PTPN1: variants seen among roughly 807,000 people sequenced by gnomAD.
PTPN1 encodes the protein tyrosine-protein phosphatase non-receptor type 1.
In PTPN1, 12 loss-of-function variants were observed where a neutral mutation model predicts 59.9. The observed-to-expected ratio is 0.20, with a 90% CI of 0.13 to 0.32. The LOEUF (loss-of-function observed/expected upper bound fraction) is 0.32. PTPN1 is among the 10% of genes least tolerant of loss of function. The pLI is 1.00. For missense variants in PTPN1, 356 were observed against 549.2 expected, an observed-to-expected ratio of 0.65 and a Z score of 3.52; for synonymous variants, 178 against 203.6, an observed-to-expected ratio of 0.87 and a Z score of 1.07.
At chr20:50,534,201 G>T (rs1239165571) in intron 1 of PTPN1, among the ~76,000 whole-genome samples, 1 of 152,174 alleles carries the variant, frequency 6.6e-6, no homozygotes, top group Non-Finnish European at 1.5e-5. Flanking sequence ...TGGGATTACA[G>T]GTGTTAGCCA....
At position 50,579,747 on chromosome 20, in the gene PTPN1, C is replaced by A. The variant is rs2230604; in HGVS notation, c.909C>A (p.Pro303=). The A allele has an allele frequency of 6.2e-7, 1 of 1,613,090 alleles. No individual in the cohort carries two copies. Residue 303 remains proline (P), a synonymous_variant, in exon 8 of 10, where the codon CCC becomes CCA. Coordinates refer to ENST00000371621, the MANE Select transcript of PTPN1 (RefSeq NM_002827.4). Reference sequence around the variant, plus strand: ...CCCACGAGGACCTGGAGCCCCCACCCGAGCATATCCCCCCACCTCCCCGGC... The same window carrying A: ...CCCACGAGGACCTGGAGCCCCCACCAGAGCATATCCCCCCACCTCCCCGGC... ...ELSHEDLEPP[P]EHIPPPPRPP... is the part of the protein sequence containing the mutation.
chr20:50,558,769 C>T (rs1212935032), intron 1 of PTPN1, among the ~76,000 whole-genome samples: 1 of 152,126 alleles, frequency 6.6e-6, no homozygotes, highest in Non-Finnish European at 1.5e-5. Context: ...ACACAGCTAT[C>T]TCGTGAGTCA....
At chr20:50,556,071 A>G (rs1019544011) in intron 1 of PTPN1, among the ~76,000 whole-genome samples, 1 of 151,768 alleles carries the variant, frequency 6.6e-6, no homozygotes, top group Non-Finnish European at 1.5e-5. Flanking sequence ...CATTTCCCTG[A>G]AAGCTTAATC....
intron 2 of PTPN1, 46 bp downstream of exon 2, chr20:50,561,499 C>T: frequency 7.5e-7 from 1 of 1,330,432 alleles, no homozygotes; most frequent in Non-Finnish European, 1.1e-6. Context: ...TCCTTTGCTG[C>T]AGGCCTTTTT....
chr20:50,524,061 C>A (rs1437767507), intron 1 of PTPN1, among the ~76,000 whole-genome samples: 1 of 152,154 alleles, frequency 6.6e-6, no homozygotes, highest in African/African-American at 2.4e-5. Context: ...ATATATTTTT[C>A]CTCTCTTCCT....
At chr20:50,576,827 A>G (rs1433552051) in intron 5 of PTPN1, among the ~76,000 whole-genome samples, 2 of 152,180 alleles carry the variant, frequency 1.3e-5, no homozygotes, top group Non-Finnish European at 2.9e-5. Flanking sequence ...TTGAGCCGAG[A>G]TCATGCCACT....
chr20:50,567,387 C>T (rs3787342), intron 3 of PTPN1, among the ~76,000 whole-genome samples: 1 of 151,716 alleles, frequency 6.6e-6, no homozygotes, highest in Non-Finnish European at 1.5e-5. Flanking sequence ...GGATTGCGCC[C>T]CTGTACTCCA....
At position 50,513,461 on chromosome 20, in the gene PTPN1, G is replaced by T. The variant is rs1016348349; in HGVS notation, c.63+2871G>T. On this transcript the variant is annotated intron_variant, in intron 1 of 9. Transcript: ENST00000371621. ...GCTCCCCTCCATCTGTAGTTTAAGA[G>T]GGGTTGGGTCCGGTGTTTTGCTTGT... Among the ~76,000 whole-genome samples, 93 of 152,298 alleles carry T rather than the reference G, an allele frequency of 6.1e-4. 1 individual carries two copies. Among genetic ancestry groups the T allele is most frequent in the South Asian group, 2.1e-4 (1 of 4,824 alleles).
intron 5 of PTPN1, 152 bp downstream of exon 5, chr20:50,574,806 A>T: frequency 1.0e-6 from 1 of 961,224 alleles, no homozygotes; most frequent in Non-Finnish European, 1.5e-6. Flanking sequence ...AGCGGAGCTT[A>T]CTTGTGTACC....
rs1021957519 is a variant in PTPN1 at position 50,582,275 on chromosome 20, T to C, written c.1285-417T>C. ...GTCAGAGGTCACCACAGGGTGGCCA[T>C]TGGCATGTCAACCCGCTGTTAATTC... is the stretch of plus-strand genomic sequence containing the variant. On this transcript the variant is annotated intron_variant, in intron 9 of 9. Transcript: ENST00000371621. The surrounding 1 kb of genome is among the most constrained non-coding windows in gnomAD (Gnocchi z 4.2). Among the ~76,000 whole-genome samples the C allele has an allele frequency of 2.6e-5, 4 of 152,222 alleles. No homozygotes were observed. Among genetic ancestry groups the C allele is most frequent in the African/African-American group, 9.6e-5 (4 of 41,470 alleles).
intron 1 of PTPN1, among the ~76,000 whole-genome samples, chr20:50,511,352 G>T (rs1326231075): frequency 2.0e-5 from 3 of 152,284 alleles, no homozygotes; most frequent in East Asian, 1.9e-4. Flanking sequence ...ATCAGGGAAG[G>T]CCTGTCAAAG....
At chr20:50,572,447 A>G (rs1309008504) in intron 4 of PTPN1, 1 of 152,258 alleles carries the variant, frequency 6.6e-6, no homozygotes, top group Non-Finnish European at 1.5e-5. Context: ...ACTTAGTTGC[A>G]TGACAGAATT....
At chr20:50,578,313 T>G in intron 5 of PTPN1, 107 bp from the exon 6 acceptor site, 1 of 934,314 alleles carries the variant, frequency 1.1e-6, no homozygotes, top group Admixed American at 2.1e-5. Context: ...AGAATGAATG[T>G]TCCTCTTAGA....
chr20:50,581,799 CATT>C (rs917255647), intron 9 of PTPN1, among the ~76,000 whole-genome samples: 55 of 151,318 alleles, frequency 3.6e-4, no homozygotes, highest in Admixed American at 2.8e-3. Context: ...AGTTACAACA[CATT>C]GTTGTTTTTA....
At chr20:50,527,793 A>G (rs775179872) in intron 1 of PTPN1, among the ~76,000 whole-genome samples, 3 of 151,910 alleles carry the variant, frequency 2.0e-5, no homozygotes, top group Non-Finnish European at 2.9e-5. Flanking sequence ...TAATAACTCT[A>G]TTTTTTCCTT....
chr20:50,578,127 G>A (rs1303706200), intron 5 of PTPN1: 1 of 297,864 alleles, frequency 3.4e-6, no homozygotes, highest in African/African-American at 2.2e-5. Flanking sequence ...AGAGAAACCA[G>A]TTGTAACCAT....
chr20:50,564,856 T>C (rs2082771708), intron 2 of PTPN1, 113 bp from the exon 3 acceptor site: 1 of 1,501,780 alleles, frequency 6.7e-7, no homozygotes, highest in Non-Finnish European at 8.9e-7. Flanking sequence ...CTTCAGCCAG[T>C]GTGAATGCCA....
At position 50,585,036 on chromosome 20, in the gene PTPN1, TAACA is replaced by T. The variant is rs1044243711; in HGVS notation, c.*2325_*2328del. On this transcript the variant is annotated 3_prime_UTR_variant, in exon 10 of 10. Transcript: ENST00000371621. ...GCCTGTGTAGGGCCCTCAGATAACT[TAACA>T]AACTTACCAGTGTTGTTTGAAGAAC... 2.4e-4 allele frequency: 36 copies of T among 152,282 alleles called. No individual in the cohort carries two copies. The highest frequency in any genetic ancestry group is 8.4e-4 in the African/African-American group (35 of 41,562). The allele number at this position is 152,282 out of a possible 1,614,324, so 9.4% of individuals were successfully genotyped here. A position where few individuals can be genotyped will look rare whatever the true frequency, so the allele number is the denominator to read the frequency against.
In PTPN1 at chr20:50,574,662, T is replaced by C. The variant is rs1399015869; in HGVS notation, c.492+8T>C. ...GAATTGGAAAACCTTACAGTGAGTA[T>C]AGCACACACTTCAGCACTTCAGGCG... On this transcript the variant is annotated splice_region_variant and intron_variant, in intron 5 of 9. Coordinates refer to ENST00000371621, the MANE Select transcript of PTPN1 (RefSeq NM_002827.4). The C allele has an allele frequency of 1.3e-6, 2 of 1,599,228 alleles. No homozygotes were observed.
Sources: allele counts gnomAD v4.1 joint callset (sites outside exome capture counted in the v4.1 genomes callset), GRCh38; gene constraint gnomAD v4.1.1; non-coding constraint Gnocchi (gnomAD v3.1); transcripts MANE v1.5; gene names NCBI Gene and HGNC (gene_info 2026-07-23, HGNC 2026-07-21).